Variants in PIK3CD observed in about 807,000 individuals in gnomAD.
PIK3CD encodes phosphatidylinositol 4,5-bisphosphate 3-kinase catalytic subunit delta isoform.
Under a neutral mutation model 122.9 loss-of-function variants are expected in PIK3CD, and 20 were observed. The ratio of observed to expected loss-of-function variants is 0.16; its 90% CI spans 0.11 to 0.24. The LOEUF is 0.24. PIK3CD is among the 10% of genes least tolerant of loss of function. The probability of loss-of-function intolerance (pLI) is 1.00; values close to 1 mark genes in which losing one functional copy is unlikely to be tolerated. For synonymous variants in PIK3CD, 596 were observed against 593.4 expected, an observed-to-expected ratio of 1.00 and a Z score of -0.06; for missense variants, 787 against 1,406.3, an observed-to-expected ratio of 0.56 and a Z score of 7.04.
At chr1:9,683,473 A>AC (rs1403592868) in intron 1 of PIK3CD, among the ~76,000 whole-genome samples, 2 of 148,742 alleles carry the variant, frequency 1.3e-5, no homozygotes, top group Non-Finnish European at 1.5e-5. Context: ...AACAACAACA[A>AC]AAAAAACGAG....
intron 1 of PIK3CD, among the ~76,000 whole-genome samples, chr1:9,666,958 T>C (rs921416362): frequency 1.8e-4 from 27 of 151,792 alleles, no homozygotes; most frequent in African/African-American, 6.5e-4. Context: ...CTCTGCCTCC[T>C]GGGTTCTAGT....
At chr1:9,678,266 A>G (rs1233513897) in intron 1 of PIK3CD, among the ~76,000 whole-genome samples, 1 of 152,080 alleles carries the variant, frequency 6.6e-6, no homozygotes, top group Non-Finnish European at 1.5e-5. Context: ...CCTGGGCCAT[A>G]TAGGGAAACC....
intron 1 of PIK3CD, among the ~76,000 whole-genome samples, chr1:9,657,929 G>A (rs1644904573): frequency 6.6e-6 from 1 of 152,138 alleles, no homozygotes; most frequent in South Asian, 2.1e-4. Context: ...ATGGGAGAAT[G>A]ATTGGGTGAG....
chr1:9,703,514 C>T lies in PIK3CD; in HGVS notation c.-32-6910C>T, dbSNP rs1570307300. On this transcript the variant is annotated intron_variant, in intron 2 of 23. Transcript: ENST00000377346. ...CCTCCCATGCGCCCTTCTAGTCACT[C>T]CCCCAAACCTGGGGTAACCCCTATT... is the stretch of plus-strand genomic sequence containing the variant. Among the ~76,000 whole-genome samples the T allele has an allele frequency of 2.0e-5, 3 of 152,328 alleles. No individual in the cohort carries two copies. In the East Asian group the frequency reaches 5.8e-4, roughly 29 times the overall value.
At chr1:9,687,123 A>G (rs2100362595) in intron 1 of PIK3CD, among the ~76,000 whole-genome samples, 1 of 152,210 alleles carries the variant, frequency 6.6e-6, no homozygotes, top group East Asian at 1.9e-4. Context: ...ATTGGGTTCC[A>G]TTGCTGATGG....
rs150037044 is a variant in PIK3CD, at chr1:9,694,298, G to A, written c.-33+2727G>A. 7.8e-3 allele frequency among the ~76,000 whole-genome samples: 1,190 copies of A among 152,308 alleles called. 11 individuals are homozygous for A. Among genetic ancestry groups the A allele is most frequent in the East Asian group, 0.02 (103 of 5,178 alleles). On this transcript the variant is annotated intron_variant, in intron 2 of 23. Coordinates refer to ENST00000377346, the MANE Select transcript of PIK3CD (RefSeq NM_005026.5). ...TGTAATCCCAGTCCTTTGGGAGGCC[G>A]AGGCGGGAGGATCATCACTTAAGGC...
chr1:9,634,041 C>T, the PIK3CD span, among the ~76,000 whole-genome samples: 5 of 151,756 alleles, frequency 3.3e-5, no homozygotes, highest in South Asian at 2.1e-4. Context: ...GGCGTGATCT[C>T]GGCTCACTGC....
At chr1:9,659,876 G>A (rs1644962199) in intron 1 of PIK3CD, among the ~76,000 whole-genome samples, 1 of 151,994 alleles carries the variant, frequency 6.6e-6, no homozygotes, top group African/African-American at 2.4e-5. Flanking sequence ...TCGGCCTCCT[G>A]AGTAGCTGGA....
intron 3 of PIK3CD, among the ~76,000 whole-genome samples, chr1:9,712,473 G>T (rs1557655981): frequency 6.6e-6 from 1 of 151,934 alleles, no homozygotes; most frequent in Non-Finnish European, 1.5e-5. Flanking sequence ...TAGAGACGGG[G>T]TTTCACCATG....
chr1:9,644,567 C>T, the PIK3CD span, among the ~76,000 whole-genome samples: 28 of 149,842 alleles, frequency 1.9e-4, no homozygotes, highest in Non-Finnish European at 3.1e-4. Context: ...ATGTAACCTT[C>T]AAGAACAGCC....
At chr1:9,668,507 A>G (rs1345280941) in intron 1 of PIK3CD, among the ~76,000 whole-genome samples, 1 of 149,626 alleles carries the variant, frequency 6.7e-6, no homozygotes, top group Non-Finnish European at 1.5e-5. Context: ...TTTGGGGTAC[A>G]GGTGGTTTTT....
Position 9,718,595 on chromosome 1 carries a change from C to T in PIK3CD, c.1021-99C>T. Reference sequence around the variant, plus strand: ...TTCGTGTGGGAAGTAGAGTTCAGACCCACCTGAGGACATTCAAGGGGGAGA... The same window carrying T: ...TTCGTGTGGGAAGTAGAGTTCAGACTCACCTGAGGACATTCAAGGGGGAGA... On this transcript the variant is annotated intron_variant, in intron 8 of 23. Transcript: ENST00000377346. The surrounding 1 kb of genome is among the most constrained non-coding windows in gnomAD (Gnocchi z 7.2). 2 of 1,122,092 alleles carry T rather than the reference C, an allele frequency of 1.8e-6. No homozygotes were observed. Among genetic ancestry groups the T allele is most frequent in the Non-Finnish European group, 2.6e-6 (2 of 759,994 alleles). The allele number at this position is 1,122,092 out of a possible 1,614,324, so 69.5% of individuals were successfully genotyped here.
Position 9,720,897 on chromosome 1 carries a change from G to A in PIK3CD, c.1677G>A (p.Glu559=). 1 of 1,595,968 alleles carries A rather than the reference G, an allele frequency of 6.3e-7. No individual in the cohort carries two copies. Among genetic ancestry groups the A allele is most frequent in the Non-Finnish European group, 8.5e-7 (1 of 1,171,506 alleles). The change falls in exon 13 of 24, where the codon GAG becomes GAA. Residue 559 remains glutamate (E), a synonymous_variant. Coordinates refer to ENST00000377346, the MANE Select transcript of PIK3CD (RefSeq NM_005026.5). This position sits in a 1 kb window ranked among gnomAD's most constrained non-coding sequence, Gnocchi z 9.0. Reference sequence around the variant, plus strand: ...TGGTCACCAAGTGGAACAAGCATGAGGATGTGGCCCAGGTGGGTGGGGAGG... The same window carrying A: ...TGGTCACCAAGTGGAACAAGCATGAAGATGTGGCCCAGGTGGGTGGGGAGG... ...LLLVTKWNKH[E]DVAQMLYLLC...
At chr1:9,654,889 G>A (rs1344958130) in intron 1 of PIK3CD, among the ~76,000 whole-genome samples, 1 of 151,270 alleles carries the variant, frequency 6.6e-6, no homozygotes, top group Non-Finnish European at 1.5e-5. Context: ...GTGAATATCT[G>A]TCTCTACGAA....
chr1:9,683,798 A>G (rs1645863580), intron 1 of PIK3CD, among the ~76,000 whole-genome samples: 1 of 152,086 alleles, frequency 6.6e-6, no homozygotes, highest in African/African-American at 2.4e-5. Context: ...CTCCCATGAT[A>G]TCTGGAGTCA....
At chr1:9,694,528 C>T (rs542691137) in intron 2 of PIK3CD, among the ~76,000 whole-genome samples, 4 of 151,898 alleles carry the variant, frequency 2.6e-5, no homozygotes, top group South Asian at 2.1e-4. Flanking sequence ...AGTGAGACTC[C>T]GTCTCAAAAA....
At chr1:9,696,164 G>GT (rs1646409267) in intron 2 of PIK3CD, among the ~76,000 whole-genome samples, 1 of 151,760 alleles carries the variant, frequency 6.6e-6, no homozygotes, top group Non-Finnish European at 1.5e-5. Flanking sequence ...TAGAGATAGG[G>GT]TTTTGCCATG....
intron 1 of PIK3CD, chr1:9,653,636 A>T: frequency 2.3e-6 from 1 of 443,968 alleles, no homozygotes; most frequent in South Asian, 1.8e-5. Flanking sequence ...CCCCAATTTG[A>T]TTGATGTGTT....
intron 1 of PIK3CD, 117 bp from the exon 2 acceptor site, chr1:9,691,350 A>T (rs1473784758): frequency 2.6e-6 from 1 of 391,044 alleles, no homozygotes; most frequent in Non-Finnish European, 4.5e-6. Context: ...CAAAAAGGAG[A>T]GACCTAGATG....
Sources: gnomAD v4.1 joint callset for allele counts (sites outside exome capture counted in the v4.1 genomes callset) on GRCh38, gnomAD v4.1.1 for gene constraint, Gnocchi (gnomAD v3.1) non-coding constraint, MANE v1.5 for transcripts, NCBI Gene and HGNC (gene_info 2026-07-23, HGNC 2026-07-21) for gene names.